ADAMTS7: variants seen among roughly 807,000 people sequenced by gnomAD.
ADAMTS7 encodes ADAM metallopeptidase with thrombospondin type 1 motif 7, also known as A disintegrin and metalloproteinase with thrombospondin motifs 7.
Under a neutral mutation model 172.6 loss-of-function variants are expected in ADAMTS7, and 89 were observed. That is an observed-to-expected ratio of 0.52 (90% CI 0.43 to 0.61). The LOEUF is 0.61. Ranked by LOEUF, ADAMTS7 falls within the 20% of genes least tolerant of loss-of-function variation. The pLI is 0.00. For missense variants in ADAMTS7, 1,973 were observed against 2,355.6 expected, an observed-to-expected ratio of 0.84 and a Z score of 3.36; for synonymous variants, 885 against 978.4, an observed-to-expected ratio of 0.90 and a Z score of 1.78.
Position 78,765,789 on chromosome 15 carries a change from C to T in ADAMTS7, c.4122G>A (p.Leu1374=). ...SPEVPLSSRL[L]STPAWDSPAN... is the part of the protein sequence containing the mutation. Reference sequence around the variant, plus strand: ...CGGGGCTGTCCCAAGCTGGTGTGGACAGCAGCCTAGAGCTCAGGGGCACCT... The same window carrying T: ...CGGGGCTGTCCCAAGCTGGTGTGGATAGCAGCCTAGAGCTCAGGGGCACCT... The change falls in exon 19 of 24, where the codon CTG becomes CTA. Residue 1374 remains leucine, a synonymous_variant. Transcript: ENST00000388820. 6.2e-7 allele frequency: 1 copy of T among 1,606,964 alleles called. No homozygotes were observed. The highest frequency in any genetic ancestry group is 1.1e-5 in the South Asian group (1 of 90,586).
intron 2 of ADAMTS7, among the ~76,000 whole-genome samples, chr15:78,798,605 A>G (rs200543264): frequency 1.3e-5 from 2 of 152,064 alleles, no homozygotes; most frequent in Non-Finnish European, 2.9e-5. Flanking sequence ...AAAAGCATCC[A>G]CAGCCACACC....
At position 78,776,799 on chromosome 15, in the gene ADAMTS7, G is replaced by A; in HGVS notation, c.1510C>T (p.His504Tyr). The A allele has an allele frequency of 6.4e-7, 1 of 1,551,662 alleles. No individual in the cohort carries two copies. The highest frequency in any genetic ancestry group is 1.4e-5 in the African/African-American group (1 of 73,340). ...TCCACAGCTGCATCCAGCTTGGAGT[G>A]ACAGGTGGTCCCCACAGAGCACCAG... ...TLWCSVGTTC[H>Y]SKLDAAVDGT... Residue 504 changes from histidine to tyrosine, a missense_variant, in exon 10 of 24, where the codon CAC becomes TAC. Physicochemically the swap from His to Tyr is moderately conservative, Grantham distance 83. Coordinates refer to ENST00000388820, the MANE Select transcript of ADAMTS7 (RefSeq NM_014272.5).
intron 19 of ADAMTS7, 46 bp downstream of exon 19, chr15:78,765,599 C>T: frequency 1.2e-6 from 2 of 1,601,238 alleles, no homozygotes; most frequent in Non-Finnish European, 1.7e-6. Context: ...AAATAGTCAC[C>T]AAGGTCCTGC....
intron 10 of ADAMTS7, 81 bp downstream of exon 10, chr15:78,776,668 C>T (rs1171860403): frequency 4.0e-5 from 55 of 1,367,552 alleles, no homozygotes; most frequent in East Asian, 5.1e-5. Flanking sequence ...GACTGTGAGC[C>T]GGGGCTGACC....
At chr15:78,778,470 T>G (rs913972974) in intron 8 of ADAMTS7, among the ~76,000 whole-genome samples, 22 of 152,326 alleles carry the variant, frequency 1.4e-4, no homozygotes, top group African/African-American at 4.6e-4. Flanking sequence ...CCACTATGGC[T>G]TAGCAGCAGG....
chr15:78,807,596 C>G (rs6495330), intron 1 of ADAMTS7, among the ~76,000 whole-genome samples: 57,751 of 152,064 alleles, frequency 0.38, 11,437 homozygotes, highest in African/African-American at 0.5. Context: ...CTCAACCACT[C>G]AGAATCTCAG....
At chr15:78,782,181 C>A (rs998332923) in intron 8 of ADAMTS7, among the ~76,000 whole-genome samples, 2 of 152,096 alleles carry the variant, frequency 1.3e-5, no homozygotes, top group African/African-American at 4.8e-5. Context: ...TAGGCGTGCA[C>A]CACCACGCCC....
Position 78,798,092 on chromosome 15 carries a change from T to G in ADAMTS7, c.478A>C (p.Asn160His). 1 of 1,559,794 alleles carries G rather than the reference T, an allele frequency of 6.4e-7. No individual in the cohort carries two copies. Among genetic ancestry groups the G allele is most frequent in the Non-Finnish European group, 8.6e-7 (1 of 1,160,904 alleles). ...DGLKGVFQLS[N>H]EDYFIEPLDS... Reference sequence around the variant, plus strand: ...AGGGGCTCAATGAAGTAGTCCTCGTTGGAGAGCTGGAACACACCTTTCTGG... The same window carrying G: ...AGGGGCTCAATGAAGTAGTCCTCGTGGGAGAGCTGGAACACACCTTTCTGG... The change falls in exon 3 of 24, where the codon AAC becomes CAC. Residue 160 changes from asparagine to histidine, a missense_variant. Physicochemically the swap from Asn to His is moderately conservative, Grantham distance 68 (BLOSUM62 1). This residue lies in a region of ADAMTS7 where 306 missense variants were observed against 288.0 expected (regional missense o/e 1.06). Transcript: ENST00000388820.
intron 4 of ADAMTS7, among the ~76,000 whole-genome samples, chr15:78,795,120 G>A (rs1274239015): frequency 1.3e-5 from 2 of 152,222 alleles, no homozygotes; most frequent in Non-Finnish European, 2.9e-5. Context: ...CAGCCTCCAG[G>A]GTCTTTCAGG....
At chr15:78,773,530 C>T (rs1328272389) in intron 13 of ADAMTS7, among the ~76,000 whole-genome samples, 3 of 151,768 alleles carry the variant, frequency 2.0e-5, no homozygotes, top group African/African-American at 7.3e-5. Context: ...CTGAGCAGCG[C>T]GTGCAGGGAA....
chr15:78,778,631 CTTGGGCAGAAACAA>C (rs1379389774), intron 8 of ADAMTS7, among the ~76,000 whole-genome samples: 2 of 152,132 alleles, frequency 1.3e-5, no homozygotes, highest in African/African-American at 4.8e-5. Flanking sequence ...GCAGCCACGA[CTTGGGCAGAAACAA>C]TGGAGGGAGG....
Position 78,787,159 on chromosome 15 carries a change from G to T in ADAMTS7, c.1322+1072C>A, listed in dbSNP as rs181179002. On this transcript the variant is annotated intron_variant, in intron 8 of 23. Transcript: ENST00000388820. Reference sequence around the variant, plus strand: ...GGCTATTAGCAGTTTTGGGCGAGTCGAAAGTTATACATGGATTTTCAATTG... The same window carrying T: ...GGCTATTAGCAGTTTTGGGCGAGTCTAAAGTTATACATGGATTTTCAATTG... 4.1e-4 allele frequency among the ~76,000 whole-genome samples: 63 copies of T among 152,060 alleles called. 1 individual carries two copies. Among genetic ancestry groups the T allele is most frequent in the Admixed American group, 7.9e-4 (12 of 15,266 alleles).
chr15:78,790,993 C>T, intron 5 of ADAMTS7, 147 bp downstream of exon 5: 2 of 1,224,086 alleles, frequency 1.6e-6, no homozygotes, highest in Non-Finnish European at 2.3e-6. Flanking sequence ...GAGGGTCAGT[C>T]AGGAACCAGG....
In ADAMTS7 at chr15:78,771,193, G is replaced by C; in HGVS notation, c.2487C>G (p.Pro829=). The change falls in exon 16 of 24, where the codon CCC becomes CCG. Residue 829 remains proline (P), a synonymous_variant. Coordinates refer to ENST00000388820, the MANE Select transcript of ADAMTS7 (RefSeq NM_014272.5). The surrounding 1 kb of genome is among the most constrained non-coding windows in gnomAD (Gnocchi z 4.9). ...CGCAGGTGACTGTGCACTTGGTCCA[G>C]GGCCCATAATGCCAGGAGAACACGG... ...PPPVFSWHYG[P]WTKCTVTCGR... The C allele has an allele frequency of 6.2e-7, 1 of 1,611,436 alleles. No homozygotes were observed. Among genetic ancestry groups the C allele is most frequent in the Non-Finnish European group, 8.5e-7 (1 of 1,179,492 alleles).
At chr15:78,762,749 C>T (rs1227059520) in intron 22 of ADAMTS7, among the ~76,000 whole-genome samples, 184 bp from the exon 23 acceptor site, 1 of 152,236 alleles carries the variant, frequency 6.6e-6, no homozygotes, top group East Asian at 1.9e-4. Flanking sequence ...GGTGCTGGAA[C>T]CCCACTCTCA....
At chr15:78,806,311 T>C (rs2055797326) in intron 1 of ADAMTS7, among the ~76,000 whole-genome samples, 2 of 152,020 alleles carry the variant, frequency 1.3e-5, no homozygotes, top group Non-Finnish European at 2.9e-5. Context: ...CATATGTTAA[T>C]TCAACAGTGA....
intron 8 of ADAMTS7, among the ~76,000 whole-genome samples, chr15:78,778,326 G>A (rs1419681313): frequency 6.6e-6 from 1 of 152,250 alleles, no homozygotes; most frequent in Non-Finnish European, 1.5e-5. Flanking sequence ...TGGAAGCAGG[G>A]ACCCTGGGGA....
Position 78,788,249 on chromosome 15 carries a change from T to A in ADAMTS7, c.1304A>T (p.Tyr435Phe). 6.2e-7 allele frequency: 1 copy of A among 1,613,636 alleles called. No homozygotes were observed. The highest frequency in any genetic ancestry group is 8.5e-7 in the Non-Finnish European group (1 of 1,179,970). The change falls in exon 8 of 24, where the codon TAT becomes TTT. Residue 435 changes from tyrosine (Y) to phenylalanine (F), a missense_variant. This residue lies in a region of ADAMTS7 where 526 missense variants were observed against 662.9 expected (regional missense o/e 0.79). Transcript: ENST00000388820. ...PLTWSRCSRQ[Y>F]ITRFLDRGWG... ...GACTTACTCAAGGAACCTGGTGATA[T>A]ACTGGCGGCTGCAGCGGGACCAGGT...
chr15:78,803,499 G>T (rs1404423387), intron 1 of ADAMTS7, among the ~76,000 whole-genome samples: 1 of 151,450 alleles, frequency 6.6e-6, no homozygotes, highest in East Asian at 1.9e-4. Context: ...GTCACCCAGG[G>T]TGTAGTGCAG....
Sources: allele counts gnomAD v4.1 joint callset (sites outside exome capture counted in the v4.1 genomes callset), GRCh38; gene constraint gnomAD v4.1.1; regional missense constraint gnomAD v4.1.1; non-coding constraint Gnocchi (gnomAD v3.1); transcripts MANE v1.5; gene names NCBI Gene and HGNC (gene_info 2026-07-23, HGNC 2026-07-21).